SLC19A1: variants seen among roughly 807,000 people sequenced by gnomAD.
SLC19A1 encodes the protein reduced folate transporter.
In SLC19A1, 37 loss-of-function variants were observed where a neutral mutation model predicts 35.3. The observed-to-expected ratio is 1.05, with a 90% CI of 0.81 to 1.38. SLC19A1 has a LOEUF of 1.38. Among genes scored for constraint, SLC19A1 ranks in the 40% most tolerant of loss-of-function variants. The pLI is 0.00. For synonymous variants in SLC19A1, 460 were observed against 398.5 expected, an observed-to-expected ratio of 1.15 and a Z score of -1.84; for missense variants, 831 against 826.9, an observed-to-expected ratio of 1.00 and a Z score of -0.06.
At chr21:45,529,775 TGTGA>T (rs1399349647) in intron 4 of SLC19A1, among the ~76,000 whole-genome samples, 1 of 151,702 alleles carries the variant, frequency 6.6e-6, no homozygotes, top group East Asian at 1.9e-4. Context: ...GGTGTGTTCA[TGTGA>T]GTGTGGTGTA....
At chr21:45,554,909 G>A (rs1353934821) in intron 1 of SLC19A1, among the ~76,000 whole-genome samples, 1 of 151,694 alleles carries the variant, frequency 6.6e-6, no homozygotes, top group African/African-American at 2.4e-5. Flanking sequence ...GAGGCCCCTC[G>A]CCTTCTCCCC....
At chr21:45,502,882 G>A (rs934737929) in intron 3 of SLC19A1, 3 of 152,182 alleles carry the variant, frequency 2.0e-5, no homozygotes, top group African/African-American at 7.2e-5. Flanking sequence ...CCCCACAAGT[G>A]GATCTGCAGG....
chr21:45,504,579 A>G lies in SLC19A1; in HGVS notation c.498-5967T>C, dbSNP rs746691437. The G allele has an allele frequency of 7.7e-6, 12 of 1,558,186 alleles. No homozygotes were observed. The South Asian group carries it at 1.1e-4, about 14-fold the overall frequency. On this transcript the variant is annotated intron_variant, in intron 3 of 4. Transcript: ENST00000417954. Reference sequence around the variant, plus strand: ...CCAGTAAGTCCCAGCCTGTGCAGGCAGAGCCCATGTCCCAGGGGTCTGGGT... The same window carrying G: ...CCAGTAAGTCCCAGCCTGTGCAGGCGGAGCCCATGTCCCAGGGGTCTGGGT...
chr21:45,505,232 C>T lies in SLC19A1; in HGVS notation c.498-6620G>A, dbSNP rs1339547749. 8 of 1,596,912 alleles carry T rather than the reference C, an allele frequency of 5.0e-6. No homozygotes were observed. The Middle Eastern group carries it at 5.1e-4, about 102-fold the overall frequency. On this transcript the variant is annotated intron_variant, in intron 3 of 4. Transcript: ENST00000417954. ...AGGGGCGCCAGGGCCCTCCCGGCCCCCCAGGCCCCCCAGGGCCCCCTTCAT... is the reference window on the plus strand; with the variant it reads ...AGGGGCGCCAGGGCCCTCCCGGCCCTCCAGGCCCCCCAGGGCCCCCTTCAT...
chr21:45,511,672 C>G (rs927767462), downstream of SLC19A1, among the ~76,000 whole-genome samples: 1 of 152,116 alleles, frequency 6.6e-6, no homozygotes, highest in South Asian at 2.1e-4. Context: ...GTGCCCTCCC[C>G]ACGTGAGCGC....
Position 45,557,676 on chromosome 21 carries a change from G to T in SLC19A1, c.-50+5066C>A, listed in dbSNP as rs576016651. Among the ~76,000 whole-genome samples the T allele has an allele frequency of 4.5e-4, 68 of 152,242 alleles. No homozygotes were observed. The Middle Eastern group carries it at 0.017, about 38-fold the overall frequency. Reference sequence around the variant, plus strand: ...AGAAGGGATGCTCTGAGGCTCCCGGGGAGCCTCAACCCTCCACCACACTCA... The same window carrying T: ...AGAAGGGATGCTCTGAGGCTCCCGGTGAGCCTCAACCCTCCACCACACTCA... On this transcript the variant is annotated intron_variant, in intron 1 of 5. Coordinates refer to the SLC19A1 transcript ENST00000650808.
chr21:45,539,247 C>T (rs879496044), intron 1 of SLC19A1, among the ~76,000 whole-genome samples: 7 of 152,254 alleles, frequency 4.6e-5, no homozygotes, highest in Non-Finnish European at 7.3e-5. Flanking sequence ...ACGTCTGTAT[C>T]AGCTGACCTC....
At chr21:45,536,085 C>G (rs1027002578) in intron 2 of SLC19A1, 4 of 282,950 alleles carry the variant, frequency 1.4e-5, no homozygotes, top group Non-Finnish European at 2.2e-5. Context: ...AAGCTCTCCC[C>G]GGGCCTCTCC....
Position 45,515,796 on chromosome 21 carries a change from G to A in SLC19A1, c.1638C>T (p.Cys546=), listed in dbSNP as rs767228710. The change falls in exon 6 of 6, where the codon TGC becomes TGT. Residue 546 remains cysteine (C), a synonymous_variant. Transcript: ENST00000311124. The stretch of plus-strand genomic sequence containing the variant: ...CTGAGGCTTGGGCGGAGCACAGAGT[G>A]CAGGGGGAAGGGGTTGTCACTGGGC... ...FLSPVTTPSP[C]TLCSAQASGP... is the part of the protein sequence containing the mutation. 6 of 1,613,128 alleles carry A rather than the reference G, an allele frequency of 3.7e-6. No individual in the cohort carries two copies. The African/African-American group carries it at 5.3e-5, about 14-fold the overall frequency.
chr21:45,559,218 C>CT, intron 1 of SLC19A1, among the ~76,000 whole-genome samples: 1 of 152,298 alleles, frequency 6.6e-6, no homozygotes, highest in South Asian at 2.1e-4. Flanking sequence ...CTAAAAACAT[C>CT]TTTAAGTCAA....
In SLC19A1 at chr21:45,532,227, G is replaced by A. The variant is rs144336039; in HGVS notation, c.190-79C>T. ...GCAGACACAGCCCGCCCGAGGTGAT[G>A]GCTGCTGACGGCTTCCTGCCCCAAC... On this transcript the variant is annotated intron_variant, in intron 2 of 5. Coordinates refer to ENST00000311124, the MANE Select transcript of SLC19A1 (RefSeq NM_194255.4). 3,340 of 1,185,650 alleles carry A rather than the reference G, an allele frequency of 2.8e-3. 41 individuals carry two copies. The highest frequency in any genetic ancestry group is 0.024 in the South Asian group (1,669 of 70,090). The allele number at this position is 1,185,650 out of a possible 1,614,324, so 73.4% of individuals were successfully genotyped here. A position where few individuals can be genotyped will look rare whatever the true frequency, so the allele number is the denominator to read the frequency against.
At position 45,525,852 on chromosome 21, in the gene SLC19A1, C is replaced by T. The variant is rs762309005; in HGVS notation, c.1258G>A (p.Asp420Asn). The part of the protein sequence containing the change: ...VKTIITFIVS[D>N]VRGLGLPVRK... ...ACCGGGAGGCCCAGGCCCCGCACGT[C>T]CGAGACAATGAAAGTGATGATGGTC... Residue 420 changes from aspartate (D) to asparagine (N), a missense_variant, in exon 5 of 6, where the codon GAC becomes AAC. Coordinates refer to ENST00000311124, the MANE Select transcript of SLC19A1 (RefSeq NM_194255.4). The T allele has an allele frequency of 8.7e-6, 14 of 1,613,316 alleles. No homozygotes were observed. Among genetic ancestry groups the T allele is most frequent in the African/African-American group, 1.3e-5 (1 of 74,954 alleles).
chr21:45,527,920 A>G (rs1438562209), intron 4 of SLC19A1, among the ~76,000 whole-genome samples: 1 of 149,908 alleles, frequency 6.7e-6, no homozygotes, highest in Non-Finnish European at 1.5e-5. Flanking sequence ...TGCAGTTCCA[A>G]TTAAAATCTG....
Position 45,530,645 on chromosome 21 carries a change from T to G in SLC19A1, c.1151+125A>C. 1 of 993,664 alleles carries G rather than the reference T, an allele frequency of 1.0e-6. No individual in the cohort carries two copies. The highest frequency in any genetic ancestry group is 1.6e-5 in the South Asian group (1 of 63,248). 61.6% of individuals were successfully genotyped at this position (993,664 alleles called of 1,614,324 possible). ...AGTGGGGACCCTGGTCAGCTCCAGG[T>G]GGCTGGCGGGGCCAGCAGTGGCACA... On this transcript the variant is annotated intron_variant, in intron 4 of 5. Transcript: ENST00000311124. This position sits in a 1 kb window ranked among gnomAD's most constrained non-coding sequence, Gnocchi z 5.3.
rs748603200 is a variant in SLC19A1 at position 45,516,031 on chromosome 21, G to A, written c.1403C>T (p.Pro468Leu). Residue 468 changes from proline (P) to leucine (L), a missense_variant, in exon 6 of 6, where the codon CCG (proline) becomes CTG (leucine). By Grantham distance (98) the Pro-to-Leu change is moderately conservative (BLOSUM62 -3). Coordinates refer to ENST00000311124, the MANE Select transcript of SLC19A1 (RefSeq NM_194255.4). ...CGCGGCACTCCTCAGGCCCTGGGCC[G>A]GGGGCTGCCGCGGGTGGTGGCCCCG... ...CQRGHHPRQP[P>L]AQGLRSAAEE... The A allele has an allele frequency of 1.4e-5, 22 of 1,579,586 alleles. No homozygotes were observed. The highest frequency in any genetic ancestry group is 6.7e-5 in the African/African-American group (5 of 74,624).
Position 45,537,844 on chromosome 21 carries a change from G to A in SLC19A1, c.116C>T (p.Ala39Val), listed in dbSNP as rs1341679160. The A allele has an allele frequency of 9.3e-6, 15 of 1,607,860 alleles. No homozygotes were observed. Among genetic ancestry groups the A allele is most frequent in the South Asian group, 3.3e-5 (3 of 90,354 alleles). ...VCYLCFYGFM[A>V]QIRPGESFIT... ...GAAGCTCTCCCCTGGCCGTATCTGCGCCATGAAGCCGTAGAAGCAAAGGTA... is the reference window on the plus strand; with the variant it reads ...GAAGCTCTCCCCTGGCCGTATCTGCACCATGAAGCCGTAGAAGCAAAGGTA... Residue 39 changes from alanine to valine, a missense_variant, in exon 2 of 6, where the codon GCG becomes GTG. Coordinates refer to ENST00000311124, the MANE Select transcript of SLC19A1 (RefSeq NM_194255.4).
chr21:45,542,217 T>C lies in SLC19A1; in HGVS notation c.-50+151A>G, dbSNP rs554394362. Among the ~76,000 whole-genome samples the C allele has an allele frequency of 7.2e-3, 391 of 54,662 alleles. 1 individual carries two copies. Among genetic ancestry groups the C allele is most frequent in the Non-Finnish European group, 9.3e-3 (259 of 27,798 alleles). The allele number at this position is 54,662 out of a possible 152,430, so 35.9% of individuals were successfully genotyped here. A position where few individuals can be genotyped will look rare whatever the true frequency, so the allele number is the denominator to read the frequency against. On this transcript the variant is annotated intron_variant, in intron 1 of 5. Transcript: ENST00000311124. ...AGACCCCGGCCCACGCCCCGCACCC[T>C]CCCCAGGGCCCCGCGGACCCCAGCG...
intron 3 of SLC19A1, chr21:45,505,856 C>G (rs772808254): frequency 3.1e-6 from 5 of 1,608,992 alleles, no homozygotes; most frequent in Non-Finnish European, 4.2e-6. Flanking sequence ...CTGGGCTACA[C>G]GCCAGGCCAT....
At chr21:45,507,454 GC>G in intron 3 of SLC19A1, 1 of 610,756 alleles carries the variant, frequency 1.6e-6, no homozygotes, top group East Asian at 4.9e-5. Flanking sequence ...CCTCCTGTGG[GC>G]TGGGAGGGCC....
Sources: gnomAD v4.1 joint callset for allele counts (sites outside exome capture counted in the v4.1 genomes callset) on GRCh38, gnomAD v4.1.1 for gene constraint, Gnocchi (gnomAD v3.1) non-coding constraint, MANE v1.5 for transcripts, NCBI Gene and HGNC (gene_info 2026-07-23, HGNC 2026-07-21) for gene names.